BCAS3: variants seen among roughly 807,000 people sequenced by gnomAD.
The protein encoded by BCAS3 is BCAS4/BCAS3 fusion.
In BCAS3, 53 loss-of-function variants were observed where a neutral mutation model predicts 116.1. The observed-to-expected ratio is 0.46, with a 90% CI of 0.37 to 0.57. The LOEUF is 0.57. Among genes scored for constraint, BCAS3 ranks in the 20% least tolerant of loss-of-function variants. The pLI is 0.00. For synonymous variants in BCAS3, 391 were observed against 408.2 expected (o/e 0.96, Z 0.51); for missense variants, 917 against 1,165.4 (o/e 0.79, Z 3.10).
At chr17:61,280,076 G>C (rs1196646377) in intron 22 of BCAS3, among the ~76,000 whole-genome samples, 1 of 152,144 alleles carries the variant, frequency 6.6e-6, no homozygotes, top group Non-Finnish European at 1.5e-5. Flanking sequence ...TCAACAAAGA[G>C]TAGAGTTTAA....
chr17:60,783,697 A>G (rs2046024099), intron 6 of BCAS3, among the ~76,000 whole-genome samples: 1 of 152,226 alleles, frequency 6.6e-6, no homozygotes, highest in Non-Finnish European at 1.5e-5. Flanking sequence ...TATTCCTCAT[A>G]ATAGCTACAT....
intron 2 of BCAS3, among the ~76,000 whole-genome samples, chr17:60,683,505 C>CTT (rs138663451): frequency 2.5e-4 from 11 of 44,470 alleles, no homozygotes; most frequent in Non-Finnish European, 3.5e-4. Flanking sequence ...AAGAGTTAGC[C>CTT]TTTTTTTTTT....
In BCAS3 at chr17:61,105,992, A is replaced by G. The variant is rs1486152526; in HGVS notation, c.2425+21428A>G. Among the ~76,000 whole-genome samples the G allele has an allele frequency of 6.6e-6, 1 of 152,126 alleles. No individual in the cohort carries two copies. Among genetic ancestry groups the G allele is most frequent in the East Asian group, 1.9e-4 (1 of 5,198 alleles). ...ACCGTGAATCATCCCTTTGTCTGGCATCTCCAGGCTGTCTATGCTACCTAT... is the reference window on the plus strand; with the variant it reads ...ACCGTGAATCATCCCTTTGTCTGGCGTCTCCAGGCTGTCTATGCTACCTAT... On this transcript the variant is annotated intron_variant, in intron 22 of 23. Transcript: ENST00000407086. The surrounding 1 kb of genome is among the most constrained non-coding windows in gnomAD (Gnocchi z 4.3).
chr17:61,166,422 G>C (rs1366961589), intron 22 of BCAS3, among the ~76,000 whole-genome samples: 2 of 103,852 alleles, frequency 1.9e-5, no homozygotes, highest in Non-Finnish European at 3.5e-5. Flanking sequence ...TTTTGAGACA[G>C]AGTCTTGCTC....
At chr17:60,737,641 C>T (rs1278358394) in intron 5 of BCAS3, among the ~76,000 whole-genome samples, 1 of 151,944 alleles carries the variant, frequency 6.6e-6, no homozygotes, top group African/African-American at 2.4e-5. Flanking sequence ...CTGGAGCTTT[C>T]TTCTTTGACC....
At chr17:61,094,375 G>A (rs1414693935) in intron 22 of BCAS3, among the ~76,000 whole-genome samples, 1 of 152,154 alleles carries the variant, frequency 6.6e-6, no homozygotes, top group African/African-American at 2.4e-5. Context: ...AACAAACTAT[G>A]TTTATTCAGA....
In BCAS3 at chr17:61,326,894, G is replaced by A. The variant is rs759465500; in HGVS notation, c.2426-41433G>A. ...GATTGGACACCATCTCTCCCTTTAGGCAACTCAAAATCTATTTGTATTTGT... is the reference window on the plus strand; with the variant it reads ...GATTGGACACCATCTCTCCCTTTAGACAACTCAAAATCTATTTGTATTTGT... On this transcript the variant is annotated intron_variant, in intron 22 of 23. Transcript: ENST00000407086. This position sits in a 1 kb window ranked among gnomAD's most constrained non-coding sequence, Gnocchi z 5.3. Among the ~76,000 whole-genome samples, 51 of 152,034 alleles carry A rather than the reference G, an allele frequency of 3.4e-4. No individual in the cohort carries two copies. Among genetic ancestry groups the A allele is most frequent in the Middle Eastern group, 3.4e-3 (1 of 294 alleles).
chr17:60,864,976 TC>T (rs2054471695), intron 7 of BCAS3, among the ~76,000 whole-genome samples: 1 of 152,172 alleles, frequency 6.6e-6, no homozygotes, highest in African/African-American at 2.4e-5. Flanking sequence ...TTTACCGTCT[TC>T]TATGGGTCCA....
At chr17:60,794,765 A>G (rs1391360297) in intron 6 of BCAS3, among the ~76,000 whole-genome samples, 1 of 152,080 alleles carries the variant, frequency 6.6e-6, no homozygotes, top group Non-Finnish European at 1.5e-5. Context: ...TGGTCTATGT[A>G]CCTATTTTTA....
chr17:60,984,352 T>A lies in BCAS3; in HGVS notation c.1222-5619T>A, dbSNP rs568163670. Among the ~76,000 whole-genome samples the A allele has an allele frequency of 1.4e-3, 212 of 152,352 alleles. 1 individual carries two copies. The highest frequency in any genetic ancestry group is 3.4e-3 in the Middle Eastern group (1 of 294). Reference sequence around the variant, plus strand: ...GTTTGTGGTGCGTTTCTGAAATATGTAGTCTTATTTGAAGACCTAATACAC... The same window carrying A: ...GTTTGTGGTGCGTTTCTGAAATATGAAGTCTTATTTGAAGACCTAATACAC... On this transcript the variant is annotated intron_variant, in intron 14 of 23. Transcript: ENST00000407086.
intron 9 of BCAS3, among the ~76,000 whole-genome samples, chr17:60,881,742 C>A (rs1432397851): frequency 6.6e-6 from 1 of 151,618 alleles, no homozygotes; most frequent in African/African-American, 2.4e-5. Flanking sequence ...TTTCCAATTT[C>A]ATCTATGTCC....
chr17:60,958,682 A>G (rs2061265406), intron 14 of BCAS3, among the ~76,000 whole-genome samples: 1 of 152,230 alleles, frequency 6.6e-6, no homozygotes, highest in Non-Finnish European at 1.5e-5. Flanking sequence ...TTTTGGTTAA[A>G]CATTAACAAG....
At chr17:61,059,896 C>T (rs886940035) in intron 19 of BCAS3, among the ~76,000 whole-genome samples, 1 of 151,622 alleles carries the variant, frequency 6.6e-6, no homozygotes, top group Non-Finnish European at 1.5e-5. Flanking sequence ...CGTGGTGGCG[C>T]GTGCCTGTAA....
intron 11 of BCAS3, among the ~76,000 whole-genome samples, chr17:60,904,161 T>C (rs2058066875): frequency 1.3e-5 from 2 of 152,130 alleles, no homozygotes; most frequent in South Asian, 2.1e-4. Flanking sequence ...ATCCCAGCAC[T>C]TTGGGAGGCT....
At chr17:61,116,646 T>C (rs2075477056) in intron 22 of BCAS3, among the ~76,000 whole-genome samples, 1 of 152,246 alleles carries the variant, frequency 6.6e-6, no homozygotes, top group Admixed American at 6.5e-5. Context: ...TTAAGAGATC[T>C]TCCTTTAGTC....
At chr17:60,861,308 A>G (rs2054135710) in intron 7 of BCAS3, among the ~76,000 whole-genome samples, 1 of 152,196 alleles carries the variant, frequency 6.6e-6, no homozygotes, top group Non-Finnish European at 1.5e-5. Context: ...TTATCGATGT[A>G]TAGACATGCT....
intron 14 of BCAS3, among the ~76,000 whole-genome samples, chr17:60,954,578 T>C (rs747648566): frequency 6.6e-6 from 1 of 152,224 alleles, no homozygotes; most frequent in Non-Finnish European, 1.5e-5. Flanking sequence ...ATACTAGTAG[T>C]TCCTTGATTA....
chr17:60,866,586 G>T (rs762352355), intron 7 of BCAS3, among the ~76,000 whole-genome samples: 3 of 152,122 alleles, frequency 2.0e-5, no homozygotes, highest in Non-Finnish European at 4.4e-5. Flanking sequence ...TCTACCTTAC[G>T]AAAGAGTTCA....
intron 6 of BCAS3, chr17:60,749,011 G>A (rs1433711335): frequency 6.6e-6 from 1 of 152,196 alleles, no homozygotes; most frequent in Non-Finnish European, 1.5e-5. Context: ...GTAACTGACT[G>A]TAAACAATCA....
Sources: gnomAD v4.1 joint callset for allele counts (sites outside exome capture counted in the v4.1 genomes callset) on GRCh38, gnomAD v4.1.1 for gene constraint, Gnocchi (gnomAD v3.1) non-coding constraint, MANE v1.5 for transcripts, NCBI Gene and HGNC (gene_info 2026-07-23, HGNC 2026-07-21) for gene names.